Variants in SGCD observed in about 807,000 individuals in gnomAD.
The protein encoded by SGCD is sarcoglycan delta.
Under a neutral mutation model 36.6 loss-of-function variants are expected in SGCD, and 18 were observed. The observed-to-expected ratio is 0.49, with a 90% CI of 0.34 to 0.73. The LOEUF is 0.73. Among genes scored for constraint, SGCD ranks in the 30% least tolerant of loss-of-function variants. The pLI, the probability that SGCD is intolerant of heterozygous loss-of-function variation, is 0.01. For missense variants in SGCD, 387 were observed against 346.7 expected, an observed-to-expected ratio of 1.12 and a Z score of -0.92; for synonymous variants, 133 against 130.6, an observed-to-expected ratio of 1.02 and a Z score of -0.12.
intron 3 of SGCD, among the ~76,000 whole-genome samples, chr5:156,239,796 T>G (rs1334322632): frequency 6.6e-6 from 1 of 152,178 alleles, no homozygotes; most frequent in Admixed American, 6.5e-5. Context: ...CAGTCTCTCT[T>G]GTGTGGTTTT....
the SGCD span, among the ~76,000 whole-genome samples, chr5:155,854,646 A>G: frequency 6.6e-6 from 1 of 152,308 alleles, no homozygotes; most frequent in African/African-American, 2.4e-5. Context: ...TGTATTGGAC[A>G]TTTAATAATA....
At chr5:156,737,160 G>T (rs1756415704) in intron 7 of SGCD, among the ~76,000 whole-genome samples, 1 of 152,160 alleles carries the variant, frequency 6.6e-6, no homozygotes, top group African/African-American at 2.4e-5. Flanking sequence ...CACAAATTAA[G>T]TACTTCCTCA....
intron 4 of SGCD, among the ~76,000 whole-genome samples, chr5:156,537,023 T>C (rs1388412074): frequency 6.6e-6 from 1 of 152,134 alleles, no homozygotes; most frequent in Non-Finnish European, 1.5e-5. Context: ...TTAAGCTGAC[T>C]TCCTCCCTCG....
intron 3 of SGCD, among the ~76,000 whole-genome samples, chr5:156,489,551 T>C (rs745382198): frequency 6.6e-6 from 1 of 151,872 alleles, no homozygotes; most frequent in Non-Finnish European, 1.5e-5. Context: ...ATGAAAAAAA[T>C]AGAAGTTAAC....
chr5:155,736,759 T>G, the SGCD span, among the ~76,000 whole-genome samples: 7,113 of 152,290 alleles, frequency 0.047, 524 homozygotes, highest in African/African-American at 0.16. Flanking sequence ...ATCCACTATG[T>G]GCCAACATGG....
At chr5:156,321,737 ACTACCAATGGGTGT>A (rs1425739878), upstream of SGCD, among the ~76,000 whole-genome samples, 1 of 152,186 alleles carries the variant, frequency 6.6e-6, no homozygotes, top group Admixed American at 6.5e-5. Context: ...TGAGCATGTG[ACTACCAATGGGTGT>A]CTTACCACCC....
intron 3 of SGCD, among the ~76,000 whole-genome samples, chr5:156,194,991 T>C (rs1222647119): frequency 2.0e-5 from 3 of 152,162 alleles, no homozygotes; most frequent in Non-Finnish European, 4.4e-5. Context: ...GTGATGAATA[T>C]AGTCATCAAG....
At chr5:155,863,899 A>G in the SGCD span, among the ~76,000 whole-genome samples, 1 of 152,192 alleles carries the variant, frequency 6.6e-6, no homozygotes, top group Non-Finnish European at 1.5e-5. Flanking sequence ...GAAAAAACAG[A>G]CAAGGACCCT....
intron 3 of SGCD, among the ~76,000 whole-genome samples, chr5:156,477,045 A>C (rs1755211656): frequency 7.5e-6 from 1 of 132,978 alleles, no homozygotes; most frequent in Non-Finnish European, 1.6e-5. Context: ...TTTCAAGAGA[A>C]AAAGAAAAAA....
intron 3 of SGCD, among the ~76,000 whole-genome samples, chr5:156,422,778 C>T (rs1773376534): frequency 6.6e-6 from 1 of 151,948 alleles, no homozygotes; most frequent in Admixed American, 6.6e-5. Flanking sequence ...AACCCCCTAC[C>T]CCATTGTGAT....
chr5:155,987,201 C>T (rs1056986447), intron 1 of SGCD, among the ~76,000 whole-genome samples: 6 of 152,150 alleles, frequency 3.9e-5, no homozygotes, highest in Non-Finnish European at 8.8e-5. Context: ...TTAATTAATA[C>T]ACTTTTTGAA....
In SGCD at chr5:156,296,078, C is replaced by T. The variant is rs568810445; in HGVS notation, c.-43-33456C>T. Among the ~76,000 whole-genome samples, 4 of 152,272 alleles carry T rather than the reference C, an allele frequency of 2.6e-5. No homozygotes were observed. In the South Asian group the frequency reaches 8.3e-4, roughly 32 times the overall value. ...TCTAAGGCATTGCTCAAACTGATTT[C>T]TCATGGGGCATACTAATTGGTGGTT... On this transcript the variant is annotated intron_variant, in intron 3 of 9. Coordinates refer to the SGCD transcript ENST00000517913.
At chr5:156,603,919 A>G (rs1227428828) in intron 6 of SGCD, among the ~76,000 whole-genome samples, 1 of 152,070 alleles carries the variant, frequency 6.6e-6, no homozygotes, top group Non-Finnish European at 1.5e-5. Flanking sequence ...CATTTGGTCT[A>G]TGGTACAGTT....
intron 7 of SGCD, among the ~76,000 whole-genome samples, chr5:156,754,983 A>C (rs950372605): frequency 1.3e-5 from 2 of 152,210 alleles, no homozygotes; most frequent in Admixed American, 1.3e-4. Flanking sequence ...TGTGAAGTTC[A>C]TTGGGAAAAA....
chr5:156,742,870 A>C (rs1025370661), intron 7 of SGCD, among the ~76,000 whole-genome samples: 4 of 152,276 alleles, frequency 2.6e-5, no homozygotes, highest in Admixed American at 2.6e-4. Flanking sequence ...AGATTAGATG[A>C]AACTCACTCG....
intron 7 of SGCD, among the ~76,000 whole-genome samples, chr5:156,751,082 G>A (rs1160629661): frequency 6.6e-6 from 1 of 152,180 alleles, no homozygotes; most frequent in African/African-American, 2.4e-5. Flanking sequence ...AATAAGGTAA[G>A]AGGATTTGCC....
intron 1 of SGCD, among the ~76,000 whole-genome samples, chr5:155,906,812 A>G (rs1191484583): frequency 7.2e-6 from 1 of 138,168 alleles, no homozygotes; most frequent in Non-Finnish European, 1.6e-5. Context: ...AGCTGCAGCA[A>G]ATGCTGATGC....
chr5:156,008,761 C>A (rs1401243459), intron 1 of SGCD, among the ~76,000 whole-genome samples: 2 of 152,186 alleles, frequency 1.3e-5, no homozygotes, highest in African/African-American at 4.8e-5. Flanking sequence ...TTAATTACAT[C>A]TACAGAAACC....
intron 3 of SGCD, among the ~76,000 whole-genome samples, chr5:156,409,688 A>T (rs6886901): frequency 0.18 from 27,282 of 152,182 alleles, 2,658 homozygotes; most frequent in Middle Eastern, 0.27. Context: ...TAATAGAAAT[A>T]GTAATTATAA....
Sources: allele counts gnomAD v4.1 joint callset (sites outside exome capture counted in the v4.1 genomes callset), GRCh38; gene constraint gnomAD v4.1.1; transcripts MANE v1.5; gene names NCBI Gene and HGNC (gene_info 2026-07-23, HGNC 2026-07-21).